NRXN3: variants seen among roughly 807,000 people sequenced by gnomAD.
The protein encoded by NRXN3 is neurexin 3.
A neutral mutation model predicts 137.6 loss-of-function variants in NRXN3; 32 were observed. The observed-to-expected ratio is 0.23, with a 90% CI of 0.18 to 0.31. The LOEUF (loss-of-function observed/expected upper bound fraction) is 0.31, where lower values mean the gene tolerates loss of function less well. Ranked by LOEUF, NRXN3 falls within the 10% of genes least tolerant of loss-of-function variation. The pLI is 1.00. For synonymous variants in NRXN3, 798 were observed against 784.5 expected (o/e 1.02, Z -0.29); for missense variants, 1,574 against 2,062.5 (o/e 0.76, Z 4.59).
chr14:79,380,162 T>C (rs1381375379), intron 15 of NRXN3, among the ~76,000 whole-genome samples: 1 of 149,638 alleles, frequency 6.7e-6, no homozygotes, highest in Non-Finnish European at 1.5e-5. Flanking sequence ...TTTTTTTTTT[T>C]TTTTTGGTAG....
In NRXN3 at chr14:78,437,347, C is replaced by CT. The variant is rs201830022; in HGVS notation, c.757+139500dup. 5.8e-3 allele frequency among the ~76,000 whole-genome samples: 836 copies of CT among 143,398 alleles called. 4 individuals carry two copies. Among genetic ancestry groups the CT allele is most frequent in the African/African-American group, 0.014 (531 of 39,130 alleles). The allele number at this position is 143,398 out of a possible 152,430, so 94.1% of individuals were successfully genotyped here. ...TATTTTTTTCTTTTCTTTTCTTTTT[C>CT]TTTTTTTTTTTTTATTTTTGAGACA... is the stretch of plus-strand genomic sequence containing the variant. On this transcript the variant is annotated intron_variant, in intron 4 of 20. Transcript: ENST00000335750.
In NRXN3 at chr14:78,926,829, ATTT is replaced by A. The variant is rs1167785493; in HGVS notation, c.2276-30412_2276-30410del. Among the ~76,000 whole-genome samples the A allele has an allele frequency of 3.7e-4, 9 of 24,320 alleles. 1 individual carries two copies. Among genetic ancestry groups the A allele is most frequent in the South Asian group, 2.8e-3 (3 of 1,070 alleles). The allele number at this position is 24,320 out of a possible 152,430, so 16.0% of individuals were successfully genotyped here. ...TTATATATATTATATATTATATATA[ATTT>A]ATATAAATATATAATATATTATATA... On this transcript the variant is annotated intron_variant, in intron 10 of 20. Transcript: ENST00000335750.
At chr14:79,687,966 T>C (rs1462418609) in intron 17 of NRXN3, among the ~76,000 whole-genome samples, 3 of 151,874 alleles carry the variant, frequency 2.0e-5, no homozygotes, top group Non-Finnish European at 4.4e-5. Flanking sequence ...TTTAAGGGAA[T>C]ATTAAGGATG....
At chr14:79,832,116 A>G (rs2099325745) in intron 20 of NRXN3, among the ~76,000 whole-genome samples, 1 of 152,156 alleles carries the variant, frequency 6.6e-6, no homozygotes, top group Admixed American at 6.6e-5. Context: ...AATAATTTCT[A>G]GAGTACTTAT....
At chr14:78,210,631 C>T (rs1470443078) in intron 1 of NRXN3, among the ~76,000 whole-genome samples, 1 of 151,838 alleles carries the variant, frequency 6.6e-6, no homozygotes, top group African/African-American at 2.4e-5. Context: ...AGAACATTTC[C>T]ATCACCCCCA....
At chr14:79,718,213 T>A (rs1187351885) in intron 19 of NRXN3, among the ~76,000 whole-genome samples, 1 of 152,142 alleles carries the variant, frequency 6.6e-6, no homozygotes, top group African/African-American at 2.4e-5. Flanking sequence ...ATGTCAGGTC[T>A]GTGAAGTCTG....
intron 1 of NRXN3, among the ~76,000 whole-genome samples, chr14:78,234,633 C>T (rs1036753847): frequency 6.6e-5 from 10 of 152,130 alleles, no homozygotes; most frequent in Non-Finnish European, 5.9e-5. Flanking sequence ...TAACCATCAC[C>T]ATATCAAGCC....
intron 16 of NRXN3, among the ~76,000 whole-genome samples, chr14:79,638,364 C>T (rs2098416418): frequency 6.6e-6 from 1 of 152,018 alleles, no homozygotes; most frequent in East Asian, 1.9e-4. Flanking sequence ...TGATCTTATT[C>T]GAGTCTCCTG....
chr14:78,859,804 A>G (rs1018143718), intron 10 of NRXN3, among the ~76,000 whole-genome samples: 15 of 152,188 alleles, frequency 9.9e-5, no homozygotes, highest in African/African-American at 3.6e-4. Flanking sequence ...TTTTCTTCAC[A>G]CTTTGGTCTG....
At chr14:78,439,345 A>G (rs1169242303) in intron 4 of NRXN3, among the ~76,000 whole-genome samples, 1 of 152,250 alleles carries the variant, frequency 6.6e-6, no homozygotes, top group African/African-American at 2.4e-5. Flanking sequence ...TTGTCTGTTT[A>G]AAACAAGGGC....
At chr14:78,412,396 G>A (rs143169406) in intron 4 of NRXN3, among the ~76,000 whole-genome samples, 2 of 152,098 alleles carry the variant, frequency 1.3e-5, no homozygotes, top group Non-Finnish European at 2.9e-5. Context: ...GGTGTACTAA[G>A]GCACTTGAAA....
chr14:79,801,009 TC>T (rs1290260818), intron 19 of NRXN3, among the ~76,000 whole-genome samples: 2 of 152,338 alleles, frequency 1.3e-5, no homozygotes, highest in East Asian at 1.9e-4. Context: ...AGGAAGTCTT[TC>T]CATACTACAC....
At chr14:78,196,417 A>G (rs926758378) in intron 1 of NRXN3, among the ~76,000 whole-genome samples, 1 of 152,246 alleles carries the variant, frequency 6.6e-6, no homozygotes, top group Non-Finnish European at 1.5e-5. Flanking sequence ...CTTGGTGATG[A>G]AAAGTATAAT....
chr14:79,462,299 G>A (rs2096355553), intron 15 of NRXN3, among the ~76,000 whole-genome samples: 1 of 152,006 alleles, frequency 6.6e-6, no homozygotes, highest in African/African-American at 2.4e-5. Flanking sequence ...CTTGAACCCA[G>A]GAGGCAGAGT....
chr14:79,443,657 T>C (rs1347760269), intron 15 of NRXN3, among the ~76,000 whole-genome samples: 1 of 152,210 alleles, frequency 6.6e-6, no homozygotes, highest in African/African-American at 2.4e-5. Flanking sequence ...CATTTAAGAT[T>C]ATTTAATAAG....
At position 79,205,472 on chromosome 14, in the gene NRXN3, C is replaced by T. The variant is rs188164152; in HGVS notation, c.3262+217331C>T. Among the ~76,000 whole-genome samples, 11 of 152,264 alleles carry T rather than the reference C, an allele frequency of 7.2e-5. No individual in the cohort carries two copies. In the East Asian group the frequency reaches 2.1e-3, roughly 29 times the overall value. The stretch of plus-strand genomic sequence containing the variant: ...GAACTGCTGCCTAAAAAGTTTGTTA[C>T]TCAATCTTATCACCATAGTTCAGCA... On this transcript the variant is annotated intron_variant, in intron 15 of 20. Coordinates refer to ENST00000335750, the MANE Select transcript of NRXN3 (RefSeq NM_001330195.2).
chr14:79,678,074 C>T (rs2098650122), intron 17 of NRXN3, among the ~76,000 whole-genome samples: 1 of 152,028 alleles, frequency 6.6e-6, no homozygotes. Context: ...TATAATTGTA[C>T]TTTGTTCCTC....
chr14:78,366,769 A>G (rs976886125), intron 4 of NRXN3, among the ~76,000 whole-genome samples: 7 of 152,196 alleles, frequency 4.6e-5, no homozygotes, highest in Admixed American at 1.3e-4. Flanking sequence ...ACCCACCTCC[A>G]TGATTCAATT....
intron 16 of NRXN3, among the ~76,000 whole-genome samples, chr14:79,475,762 A>G (rs74980788): frequency 0.017 from 2,627 of 152,238 alleles, 82 homozygotes; most frequent in African/African-American, 0.058. Context: ...TTCCTAAGCA[A>G]TGAATAAACT....
Sources: gnomAD v4.1 joint callset for allele counts (sites outside exome capture counted in the v4.1 genomes callset) on GRCh38, gnomAD v4.1.1 for gene constraint, MANE v1.5 for transcripts, NCBI Gene and HGNC (gene_info 2026-07-23, HGNC 2026-07-21) for gene names.